Variants in GHR observed in about 807,000 individuals in gnomAD.
GHR encodes growth hormone receptor, also known as GH receptor.
In GHR, 35 loss-of-function variants were observed where a neutral mutation model predicts 67.1. The ratio of observed to expected loss-of-function variants is 0.52; its 90% CI spans 0.40 to 0.69. The LOEUF (loss-of-function observed/expected upper bound fraction) is 0.69, where lower values mean the gene tolerates loss of function less well. Among genes scored for constraint, GHR ranks in the 30% least tolerant of loss-of-function variants. The pLI is 0.00. For missense variants in GHR, 792 were observed against 764.6 expected (o/e 1.04, Z -0.42); for synonymous variants, 272 against 269.1 (o/e 1.01, Z -0.10).
chr5:42,499,588 C>A (rs1746454552), intron 1 of GHR, among the ~76,000 whole-genome samples: 1 of 152,162 alleles, frequency 6.6e-6, no homozygotes, highest in Admixed American at 6.5e-5. Flanking sequence ...TTGTTTCACT[C>A]CAGGCACAGG....
intron 2 of GHR, among the ~76,000 whole-genome samples, chr5:42,569,517 A>C (rs1750151585): frequency 3.3e-5 from 5 of 152,142 alleles, no homozygotes; most frequent in Admixed American, 2.0e-4. Context: ...GAAAAGAAAG[A>C]GGAAGTGTAT....
chr5:42,447,622 ATC>A (rs886700585), intron 1 of GHR, among the ~76,000 whole-genome samples: 22 of 127,090 alleles, frequency 1.7e-4, no homozygotes, highest in Middle Eastern at 4.8e-3. Flanking sequence ...CCCTCCCTCC[ATC>A]TCTCTCTCTT....
At chr5:42,685,960 T>C (rs1244710069) in intron 3 of GHR, among the ~76,000 whole-genome samples, 1 of 152,216 alleles carries the variant, frequency 6.6e-6, no homozygotes, top group Non-Finnish European at 1.5e-5. Context: ...ATCCCATTTG[T>C]CAATTTTGGC....
intron 1 of GHR, among the ~76,000 whole-genome samples, chr5:42,559,060 A>G (rs1022762469): frequency 6.6e-6 from 1 of 152,236 alleles, no homozygotes; most frequent in Non-Finnish European, 1.5e-5. Context: ...CATAAAATGT[A>G]AAGCTTAAAA....
At chr5:42,582,445 C>T (rs1334579098) in intron 2 of GHR, among the ~76,000 whole-genome samples, 2 of 152,240 alleles carry the variant, frequency 1.3e-5, no homozygotes, top group Admixed American at 6.5e-5. Flanking sequence ...TCGGGATGAC[C>T]TGCCTATGGA....
intron 1 of GHR, among the ~76,000 whole-genome samples, chr5:42,495,440 C>G (rs981991906): frequency 6.6e-6 from 1 of 152,036 alleles, no homozygotes; most frequent in Non-Finnish European, 1.5e-5. Context: ...CCTTTGCTTG[C>G]CAGCCTAGTG....
chr5:42,566,959 A>T (rs192996841), intron 2 of GHR, among the ~76,000 whole-genome samples: 9 of 152,208 alleles, frequency 5.9e-5, no homozygotes, highest in Non-Finnish European at 1.3e-4. Context: ...ATGTTATTTT[A>T]TCTCTTAAAG....
At chr5:42,487,761 C>T (rs940036734) in intron 1 of GHR, among the ~76,000 whole-genome samples, 1 of 152,120 alleles carries the variant, frequency 6.6e-6, no homozygotes, top group Non-Finnish European at 1.5e-5. Flanking sequence ...ATATTTCGTC[C>T]ATCGGCCTGT....
chr5:42,613,688 A>T (rs909033437), intron 2 of GHR, among the ~76,000 whole-genome samples: 2 of 152,128 alleles, frequency 1.3e-5, no homozygotes, highest in African/African-American at 4.8e-5. Context: ...TGAATGGCAT[A>T]CCTAAATGGC....
At chr5:42,707,375 A>T (rs750482056) in intron 6 of GHR, among the ~76,000 whole-genome samples, 2 of 151,844 alleles carry the variant, frequency 1.3e-5, no homozygotes, top group Non-Finnish European at 2.9e-5. Context: ...CCATGAAAAT[A>T]TTAGACAGGT....
In GHR at chr5:42,582,728, T is replaced by A. The variant is rs189573582; in HGVS notation, c.70+16784T>A. ...TGTGTGACACCCTCTTTGGGGGCTCTGCGGTTTCTGTCATCTCCATGCTCC... is the reference window on the plus strand; with the variant it reads ...TGTGTGACACCCTCTTTGGGGGCTCAGCGGTTTCTGTCATCTCCATGCTCC... On this transcript the variant is annotated intron_variant, in intron 2 of 9. Transcript: ENST00000230882. Among the ~76,000 whole-genome samples, 599 of 152,364 alleles carry A rather than the reference T, an allele frequency of 3.9e-3. 5 individuals are homozygous for A. Among genetic ancestry groups the A allele is most frequent in the African/African-American group, 0.014 (578 of 41,596 alleles).
At chr5:42,432,123 C>G (rs1194458433) in intron 1 of GHR, among the ~76,000 whole-genome samples, 1 of 152,110 alleles carries the variant, frequency 6.6e-6, no homozygotes, top group Non-Finnish European at 1.5e-5. Context: ...TTTGAAGTAG[C>G]CTATTGAAAA....
intron 3 of GHR, among the ~76,000 whole-genome samples, chr5:42,634,930 G>C (rs1754103012): frequency 6.6e-6 from 1 of 151,678 alleles, no homozygotes; most frequent in Non-Finnish European, 1.5e-5. Context: ...ACTAAATTAA[G>C]TATAACATAA....
intron 3 of GHR, among the ~76,000 whole-genome samples, chr5:42,657,023 A>G (rs1340784358): frequency 6.6e-6 from 1 of 152,114 alleles, no homozygotes; most frequent in Non-Finnish European, 1.5e-5. Flanking sequence ...CATGGTCTTA[A>G]TCTTGTGTCA....
chr5:42,539,219 C>G (rs112792080), intron 1 of GHR, among the ~76,000 whole-genome samples: 1,788 of 152,174 alleles, frequency 0.012, 25 homozygotes, highest in Middle Eastern at 0.031. Context: ...GGATCCATTG[C>G]TAGTGGACTA....
chr5:42,660,454 A>T (rs189880503), intron 3 of GHR, among the ~76,000 whole-genome samples: 13 of 152,330 alleles, frequency 8.5e-5, no homozygotes, highest in African/African-American at 3.1e-4. Context: ...AAGGTTCATG[A>T]AAATCCGCTG....
chr5:42,577,821 C>T (rs1387516328), intron 2 of GHR, among the ~76,000 whole-genome samples: 1 of 152,174 alleles, frequency 6.6e-6, no homozygotes, highest in African/African-American at 2.4e-5. Flanking sequence ...ATCCTGTCTG[C>T]GTCCAACAGT....
intron 3 of GHR, among the ~76,000 whole-genome samples, chr5:42,678,789 T>G (rs1266820104): frequency 6.6e-6 from 1 of 151,900 alleles, no homozygotes; most frequent in Non-Finnish European, 1.5e-5. Flanking sequence ...TATTAGTAAA[T>G]CAATTTATAG....
At chr5:42,692,881 T>C (rs1470841009) in intron 4 of GHR, among the ~76,000 whole-genome samples, 3 of 152,202 alleles carry the variant, frequency 2.0e-5, no homozygotes, top group Non-Finnish European at 2.9e-5. Flanking sequence ...TTCTATTATG[T>C]GAAAGCCTCA....
Sources: allele counts gnomAD v4.1 joint callset (sites outside exome capture counted in the v4.1 genomes callset), GRCh38; gene constraint gnomAD v4.1.1; transcripts MANE v1.5; gene names NCBI Gene and HGNC (gene_info 2026-07-23, HGNC 2026-07-21).